The following MVP variants were observed in gnomAD, a reference collection of about 807,000 sequenced individuals.
The protein encoded by MVP is major vault protein.
A neutral mutation model predicts 83.5 loss-of-function variants in MVP; 62 were observed. The observed-to-expected ratio is 0.74, with a 90% confidence interval of 0.61 to 0.92. The LOEUF (loss-of-function observed/expected upper bound fraction) is 0.92, where lower values mean the gene tolerates loss of function less well. MVP is among the 40% of genes least tolerant of loss of function. The pLI, the probability that MVP is intolerant of heterozygous loss-of-function variation, is 0.00. For missense variants in MVP, 1,000 were observed against 1,203.4 expected (o/e 0.83, Z 2.50); for synonymous variants, 505 against 504.1 (o/e 1.00, Z -0.02).
intron 11 of MVP, 59 bp from the exon 12 acceptor site, chr16:29,845,804 C>A: frequency 1.3e-6 from 2 of 1,511,626 alleles, no homozygotes; most frequent in Non-Finnish European, 1.8e-6. Context: ...CTGCCCTTGG[C>A]GCTCCTGTTC....
At chr16:29,828,255 G>A (rs1182788856) in intron 1 of MVP, among the ~76,000 whole-genome samples, 1 of 152,050 alleles carries the variant, frequency 6.6e-6, no homozygotes, top group Non-Finnish European at 1.5e-5. Flanking sequence ...CAGCATGACC[G>A]GCCATTAGCC....
Position 29,841,563 on chromosome 16 carries a change from A to C in MVP, c.1192-33A>C. The stretch of plus-strand genomic sequence containing the variant: ...GCGGATCTTCCTCCCTTCCACCCTT[A>C]CGGGCAGCTTCCCTCCCTGTCCTCG... On this transcript the variant is annotated intron_variant, in intron 8 of 14. Transcript: ENST00000357402. The surrounding 1 kb of genome is among the most constrained non-coding windows in gnomAD (Gnocchi z 4.7). The C allele has an allele frequency of 6.5e-7, 1 of 1,545,340 alleles. No individual in the cohort carries two copies. Among genetic ancestry groups the C allele is most frequent in the Non-Finnish European group, 8.7e-7 (1 of 1,145,184 alleles).
intron 6 of MVP, 152 bp downstream of exon 6, chr16:29,835,950 C>G (rs1042923112): frequency 6.0e-6 from 4 of 666,670 alleles, no homozygotes; most frequent in Non-Finnish European, 1.1e-5. Flanking sequence ...CCTGAGTATT[C>G]TGGATCATCT....
chr16:29,830,525 G>C lies in MVP; in HGVS notation c.-25G>C. On this transcript the variant is annotated 5_prime_UTR_variant, in exon 2 of 15. Coordinates refer to ENST00000357402, the MANE Select transcript of MVP (RefSeq NM_005115.5). The stretch of plus-strand genomic sequence containing the variant: ...TCCCCCACCTACCAGTCATCTTCTT[G>C]TGAGCCCTGGGCTTAGGAGTCACCA... 6.2e-7 allele frequency: 1 copy of C among 1,612,298 alleles called. No individual in the cohort carries two copies. Among genetic ancestry groups the C allele is most frequent in the Non-Finnish European group, 8.5e-7 (1 of 1,178,964 alleles).
chr16:29,834,198 G>A (rs776382694), intron 5 of MVP, 132 bp downstream of exon 5: 1 of 1,281,178 alleles, frequency 7.8e-7, no homozygotes, highest in Non-Finnish European at 1.1e-6. Context: ...GAAAGCTGTT[G>A]AGGGCCACCC....
In MVP at chr16:29,836,730, G is replaced by A; in HGVS notation, c.681G>A (p.Leu227=). The change falls in exon 7 of 15, where the codon CTG becomes CTA. Residue 227 remains leucine, a synonymous_variant. Coordinates refer to ENST00000357402, the MANE Select transcript of MVP (RefSeq NM_005115.5). ...DAVILTEKTA[L]HLRARRNFRD... ...AACATGTTGCTCTGCAGACAGCCCTGCACCTCCGGGCTCGGCGGAACTTCC... is the reference window on the plus strand; with the variant it reads ...AACATGTTGCTCTGCAGACAGCCCTACACCTCCGGGCTCGGCGGAACTTCC... 2 of 1,587,110 alleles carry A rather than the reference G, an allele frequency of 1.3e-6. No homozygotes were observed. Among genetic ancestry groups the A allele is most frequent in the South Asian group, 1.1e-5 (1 of 87,416 alleles).
At chr16:29,842,257 C>A in intron 10 of MVP, 145 bp downstream of exon 10, 2 of 849,868 alleles carry the variant, frequency 2.4e-6, no homozygotes, top group Non-Finnish European at 3.5e-6. Context: ...GGTGACAGAG[C>A]AAGACCCTGT....
intron 14 of MVP, among the ~76,000 whole-genome samples, 160 bp from the exon 15 acceptor site, chr16:29,847,602 A>G (rs1382155235): frequency 2.0e-5 from 3 of 152,176 alleles, no homozygotes; most frequent in Non-Finnish European, 4.4e-5. Context: ...GAGACAGGAA[A>G]TGGATGGGAC....
At chr16:29,845,016 G>T in intron 11 of MVP, 137 bp downstream of exon 11, 1 of 1,214,398 alleles carries the variant, frequency 8.2e-7, no homozygotes, top group Non-Finnish European at 1.1e-6. Flanking sequence ...CAACAGATCA[G>T]GTGACCCACT....
intron 11 of MVP, among the ~76,000 whole-genome samples, chr16:29,845,259 G>A (rs2067574095): frequency 2.0e-5 from 3 of 150,404 alleles, no homozygotes; most frequent in Admixed American, 2.0e-4. Flanking sequence ...TCTTGCATGT[G>A]ATAAAACCTA....
chr16:29,822,581 G>GACCTTAC (rs1461228111), intron 1 of MVP: 3 of 152,104 alleles, frequency 2.0e-5, no homozygotes, highest in African/African-American at 7.2e-5. Flanking sequence ...CCGCATCACC[G>GACCTTAC]ACCTTACGTC....
At chr16:29,844,405 C>A in intron 10 of MVP, 88 bp from the exon 11 acceptor site, 2 of 1,489,704 alleles carry the variant, frequency 1.3e-6, no homozygotes, top group Non-Finnish European at 1.8e-6. Context: ...TCAAGACCAG[C>A]CTGGGCAACA....
At chr16:29,823,392 G>C (rs1268013122) in intron 1 of MVP, among the ~76,000 whole-genome samples, 1 of 151,980 alleles carries the variant, frequency 6.6e-6, no homozygotes, top group Non-Finnish European at 1.5e-5. Flanking sequence ...GTCTCCCAAA[G>C]TGCTGGGATT....
intron 5 of MVP, chr16:29,834,349 G>A (rs2067468574): frequency 2.5e-6 from 1 of 400,718 alleles, no homozygotes; most frequent in African/African-American, 2.0e-5. Flanking sequence ...CCTGATTCTG[G>A]ATCAACAAAG....
chr16:29,840,537 G>T, intron 8 of MVP, 78 bp downstream of exon 8: 1 of 1,477,550 alleles, frequency 6.8e-7, no homozygotes, highest in South Asian at 1.3e-5. Flanking sequence ...GTGTGGAAGA[G>T]GTGGGCAGGG....
chr16:29,842,505 A>G (rs1394553961), intron 10 of MVP, among the ~76,000 whole-genome samples: 1 of 151,944 alleles, frequency 6.6e-6, no homozygotes, highest in Admixed American at 6.6e-5. Context: ...GGGTTTCTCC[A>G]TGTTGGTCAG....
Position 29,830,612 on chromosome 16 carries a change from G to C in MVP, c.63G>C (p.Gln21His), listed in dbSNP as rs1199899522. Residue 21 changes from glutamine to histidine, a missense_variant, in exon 2 of 15, where the codon CAG (glutamine) becomes CAC (histidine). Coordinates refer to ENST00000357402, the MANE Select transcript of MVP (RefSeq NM_005115.5). ...ACCACTATATCCATGTGCTGGACCAGAACAGCAACGTGTCCCGTGTGGAGG... is the reference window on the plus strand; with the variant it reads ...ACCACTATATCCATGTGCTGGACCACAACAGCAACGTGTCCCGTGTGGAGG... ...PPYHYIHVLDQNSNVSRVEVG... is the reference protein window; with the variant it reads ...PPYHYIHVLDHNSNVSRVEVG... 2.5e-6 allele frequency: 4 copies of C among 1,614,064 alleles called. No individual in the cohort carries two copies. Among genetic ancestry groups the C allele is most frequent in the Non-Finnish European group, 3.4e-6 (4 of 1,180,002 alleles).
chr16:29,834,267 AC>A, intron 5 of MVP: 3 of 659,610 alleles, frequency 4.5e-6, no homozygotes, highest in Non-Finnish European at 7.4e-6. Context: ...GGAAAATGTG[AC>A]CATGACCATG....
Position 29,842,689 on chromosome 16 carries a change from A to G in MVP, c.1634+577A>G, listed in dbSNP as rs1008582299. ...CTGGGTGCAGCCTAGGAACCCCAAGAAAAGGAGGGTCCTGCTCAAGTGCTG... is the reference window on the plus strand; with the variant it reads ...CTGGGTGCAGCCTAGGAACCCCAAGGAAAGGAGGGTCCTGCTCAAGTGCTG... On this transcript the variant is annotated intron_variant, in intron 10 of 14. Coordinates refer to ENST00000357402, the MANE Select transcript of MVP (RefSeq NM_005115.5). Among the ~76,000 whole-genome samples, 16 of 152,144 alleles carry G rather than the reference A, an allele frequency of 1.1e-4. No individual in the cohort carries two copies. The East Asian group carries it at 3.1e-3, about 29-fold the overall frequency.
Sources: gnomAD v4.1 joint callset for allele counts (sites outside exome capture counted in the v4.1 genomes callset) on GRCh38, gnomAD v4.1.1 for gene constraint, Gnocchi (gnomAD v3.1) non-coding constraint, MANE v1.5 for transcripts, NCBI Gene and HGNC (gene_info 2026-07-23, HGNC 2026-07-21) for gene names.